Variants in LRP1 observed in about 807,000 individuals in gnomAD.
The protein encoded by LRP1 is prolow-density lipoprotein receptor-related protein 1.
Under a neutral mutation model 541.5 loss-of-function variants are expected in LRP1, and 51 were observed. The observed-to-expected ratio is 0.09, with a 90% CI of 0.08 to 0.12. The LOEUF is 0.12. Ranked by LOEUF, LRP1 falls within the 10% of genes least tolerant of loss-of-function variation. LRP1 has a pLI of 1.00. For synonymous variants in LRP1, 2,219 were observed against 2,470.8 expected (o/e 0.90, Z 3.02); for missense variants, 3,878 against 6,376.2 (o/e 0.61, Z 13.34).
chr12:57,199,497 T>C (rs1238320567), intron 61 of LRP1, 97 bp downstream of exon 61: 18 of 1,341,630 alleles, frequency 1.3e-5, no homozygotes, highest in Non-Finnish European at 1.6e-5. Context: ...GACCAAGCCC[T>C]CCTGGCCAGA....
intron 42 of LRP1, among the ~76,000 whole-genome samples, chr12:57,190,507 T>C (rs2036355895): frequency 6.6e-6 from 1 of 152,232 alleles, no homozygotes; most frequent in African/African-American, 2.4e-5. Context: ...CCCCAGGGCC[T>C]GTCTCACTTG....
At position 57,179,133 on chromosome 12, in the gene LRP1, T is replaced by G. The variant is rs539214947; in HGVS notation, c.4738+112T>G. On this transcript the variant is annotated intron_variant, in intron 28 of 88. Coordinates refer to ENST00000243077, the MANE Select transcript of LRP1 (RefSeq NM_002332.3). This position sits in a 1 kb window ranked among gnomAD's most constrained non-coding sequence, Gnocchi z 6.8. ...AGAGTCCCAGTCGGGAGGGTCCCGATAGGAGAGGCTCCAGAGACAGCCACT... is the reference window on the plus strand; with the variant it reads ...AGAGTCCCAGTCGGGAGGGTCCCGAGAGGAGAGGCTCCAGAGACAGCCACT... 7.0e-7 allele frequency: 1 copy of G among 1,427,912 alleles called. No homozygotes were observed. Among genetic ancestry groups the G allele is most frequent in the African/African-American group, 1.4e-5 (1 of 70,092 alleles). 88.5% of individuals were successfully genotyped at this position (1,427,912 alleles called of 1,614,324 possible). A position where few individuals can be genotyped will look rare whatever the true frequency, so the allele number is the denominator to read the frequency against.
intron 15 of LRP1, among the ~76,000 whole-genome samples, chr12:57,163,335 T>C (rs973695380): frequency 6.6e-6 from 1 of 152,202 alleles, no homozygotes; most frequent in Non-Finnish European, 1.5e-5. Flanking sequence ...GGAAATTACT[T>C]TGGGAGGCCA....
chr12:57,167,074 G>T (rs369343786), intron 18 of LRP1, 28 bp downstream of exon 18: 5 of 1,592,420 alleles, frequency 3.1e-6, no homozygotes, highest in African/African-American at 1.3e-5. Flanking sequence ...AGGGAGTCAG[G>T]CTGGGCCTGG....
Position 57,161,099 on chromosome 12 carries a change from A to G in LRP1, c.2186A>G (p.Asn729Ser). 2 of 1,613,288 alleles carry G rather than the reference A, an allele frequency of 1.2e-6. No homozygotes were observed. The highest frequency in any genetic ancestry group is 2.2e-5 in the East Asian group (1 of 44,872). ...FYDRIETILLNGTDRKIVYEG... is the reference protein window; with the variant it reads ...FYDRIETILLSGTDRKIVYEG... ...GACCGCATCGAGACGATACTGCTCA[A>G]TGGCACAGACCGGAAGGTGGGCAGG... The change falls in exon 13 of 89, where the codon AAT (asparagine) becomes AGT (serine). Residue 729 changes from asparagine to serine, a missense_variant. Physicochemically the swap from Asn to Ser is conservative, Grantham distance 46. Transcript: ENST00000243077.
At chr12:57,202,084 C>T in intron 67 of LRP1, 179 bp downstream of exon 67, 2 of 746,764 alleles carry the variant, frequency 2.7e-6, no homozygotes, top group South Asian at 3.4e-5. Flanking sequence ...CACTTCCCCA[C>T]ATCCACCCGT....
In LRP1 at chr12:57,183,270, T is replaced by TG. The variant is rs200123285; in HGVS notation, c.5663-101dup. 904 of 1,162,892 alleles carry TG rather than the reference T, an allele frequency of 7.8e-4. 3 individuals are homozygous for TG. In the East Asian group the frequency reaches 8.6e-3, roughly 11 times the overall value. 72.0% of individuals were successfully genotyped at this position (1,162,892 alleles called of 1,614,324 possible). A position where few individuals can be genotyped will look rare whatever the true frequency, so the allele number is the denominator to read the frequency against. On this transcript the variant is annotated intron_variant, in intron 34 of 88. Coordinates refer to ENST00000243077, the MANE Select transcript of LRP1 (RefSeq NM_002332.3). This position sits in a 1 kb window ranked among gnomAD's most constrained non-coding sequence, Gnocchi z 6.1. ...GCTGGGTGGAGGATAGGGATGATGG[T>TG]GGGGGGGGATGATATCAAAGGAGAA...
At chr12:57,140,807 A>G (rs1255371874) in intron 2 of LRP1, among the ~76,000 whole-genome samples, 2 of 152,106 alleles carry the variant, frequency 1.3e-5, no homozygotes, top group Non-Finnish European at 2.9e-5. Context: ...ATCTCAGCTC[A>G]CTGCAACTTC....
chr12:57,156,998 G>A lies in LRP1; in HGVS notation c.1561+78G>A. The A allele has an allele frequency of 6.9e-7, 1 of 1,448,020 alleles. No homozygotes were observed. The highest frequency in any genetic ancestry group is 2.1e-5 in the Admixed American group (1 of 47,518). 89.7% of individuals were successfully genotyped at this position (1,448,020 alleles called of 1,614,324 possible). ...CTCAGGTGTCCCCCACAGCCCGGCT[G>A]CCTCTGTCTGACATGCAGGGAGATG... On this transcript the variant is annotated intron_variant, in intron 10 of 88. Coordinates refer to ENST00000243077, the MANE Select transcript of LRP1 (RefSeq NM_002332.3). The surrounding 1 kb of genome is among the most constrained non-coding windows in gnomAD (Gnocchi z 5.2).
intron 6 of LRP1, among the ~76,000 whole-genome samples, chr12:57,150,922 G>A (rs1158236451): frequency 6.6e-6 from 1 of 151,992 alleles, no homozygotes; most frequent in Non-Finnish European, 1.5e-5. Context: ...GAGAGGTGGG[G>A]AGGTTCCTGG....
intron 1 of LRP1, among the ~76,000 whole-genome samples, chr12:57,130,619 A>C (rs1194096001): frequency 6.6e-6 from 1 of 152,106 alleles, no homozygotes; most frequent in Non-Finnish European, 1.5e-5. Context: ...GAGGAATAGA[A>C]AAAAAATTTG....
Position 57,183,432 on chromosome 12 carries a change from C to T in LRP1, c.5716C>T (p.Leu1906=). 6.2e-7 allele frequency: 1 copy of T among 1,614,156 alleles called. No individual in the cohort carries two copies. The highest frequency in any genetic ancestry group is 8.5e-7 in the Non-Finnish European group (1 of 1,179,974). Residue 1906 remains leucine, a synonymous_variant, in exon 35 of 89, where the codon CTG becomes TTG. Transcript: ENST00000243077. This position sits in a 1 kb window ranked among gnomAD's most constrained non-coding sequence, Gnocchi z 6.1. ...GCATGAGGGAATCAGGGGAATTCCC[C>T]TGGATCCCAATGACAAGTCAGATGC... ...SVHEGIRGIP[L]DPNDKSDALV... is the part of the protein sequence containing the mutation.
Position 57,200,527 on chromosome 12 carries a change from C to T in LRP1, c.10100C>T (p.Pro3367Leu), listed in dbSNP as rs749065805. ...TGCGGGGACCACTCAGACGAGCCCC[C>T]GGACTGCCGTGAGTGCCTGCTGGGG... ...DDCGDHSDEP[P>L]DCPEFKCRPG... Residue 3367 changes from proline (P) to leucine (L), a missense_variant, in exon 63 of 89, where the codon CCG (proline) becomes CTG (leucine). Physicochemically the swap from Pro to Leu is moderately conservative, Grantham distance 98. Transcript: ENST00000243077. 1.5e-5 allele frequency: 25 copies of T among 1,613,090 alleles called. No individual in the cohort carries two copies. The Admixed American group carries it at 1.8e-4, about 12-fold the overall frequency.
chr12:57,142,458 G>A (rs2035314029), intron 3 of LRP1, among the ~76,000 whole-genome samples: 3 of 152,002 alleles, frequency 2.0e-5, no homozygotes, highest in Non-Finnish European at 4.4e-5. Flanking sequence ...AGGAGTTTGT[G>A]GAAGATTTTT....
At chr12:57,210,599 C>A in intron 82 of LRP1, 119 bp downstream of exon 82, 1 of 1,445,502 alleles carries the variant, frequency 6.9e-7, no homozygotes, top group East Asian at 2.4e-5. Context: ...CTTTCCACAA[C>A]CCAGCATCCA....
chr12:57,167,445 C>T lies in LRP1; in HGVS notation c.2916C>T (p.Ala972=). The change falls in exon 19 of 89, where the codon GCC becomes GCT. Residue 972 remains alanine (A), a splice_region_variant and synonymous_variant. Transcript: ENST00000243077. The stretch of plus-strand genomic sequence containing the variant: ...TCAGCTACTCTTTCTTCCTCACAGC[C>T]TATCCCACCTGCTTCCCCCTGACTC... ...GDRSDESASC[A]YPTCFPLTQF... 1.9e-6 allele frequency: 3 copies of T among 1,613,082 alleles called. No homozygotes were observed. Among genetic ancestry groups the T allele is most frequent in the Non-Finnish European group, 2.5e-6 (3 of 1,179,022 alleles).
rs1377430371 is a variant in LRP1, at chr12:57,156,140, C to T, written c.1274C>T (p.Ala425Val). The T allele has an allele frequency of 5.6e-6, 9 of 1,613,900 alleles. No homozygotes were observed. The Admixed American group carries it at 1.5e-4, about 27-fold the overall frequency. Residue 425 changes from alanine (A) to valine (V), a missense_variant, in exon 9 of 89, where the codon GCC becomes GTC. By Grantham distance (64) the Ala-to-Val change is moderately conservative. Transcript: ENST00000243077. The surrounding 1 kb of genome is among the most constrained non-coding windows in gnomAD (Gnocchi z 5.2). The part of the protein sequence containing the change: ...GLTVFENYLY[A>V]TNSDNANAQQ... ...ACTGTGTTTGAGAATTATCTCTATG[C>T]CACCAACTCGGACAATGCCAATGCC...
intron 19 of LRP1, among the ~76,000 whole-genome samples, chr12:57,168,686 G>A (rs2035885970): frequency 6.6e-6 from 1 of 152,098 alleles, no homozygotes; most frequent in Non-Finnish European, 1.5e-5. Context: ...CAGGGCCCCT[G>A]TAAGCCAGGC....
At position 57,179,330 on chromosome 12, in the gene LRP1, G is replaced by T. The variant is rs1378202029; in HGVS notation, c.4740G>T (p.Glu1580Asp). Residue 1580 changes from glutamate (E) to aspartate (D), a missense_variant and splice_region_variant, in exon 29 of 89, where the codon GAG becomes GAT. Coordinates refer to ENST00000243077, the MANE Select transcript of LRP1 (RefSeq NM_002332.3). The surrounding 1 kb of genome is among the most constrained non-coding windows in gnomAD (Gnocchi z 6.8). Reference sequence around the variant, plus strand: ...CAGTGACCAGCCCATGCCCCACAGAGTTTAAGAAGTTCCTGCTGTACGCAC... The same window carrying T: ...CAGTGACCAGCCCATGCCCCACAGATTTTAAGAAGTTCCTGCTGTACGCAC... Reference protein sequence around the residue: ...KLHKDNTTCYEFKKFLLYARQ... With the variant: ...KLHKDNTTCYDFKKFLLYARQ... 6.2e-7 allele frequency: 1 copy of T among 1,612,338 alleles called. No individual in the cohort carries two copies. Among genetic ancestry groups the T allele is most frequent in the Non-Finnish European group, 8.5e-7 (1 of 1,178,486 alleles).
Sources: allele counts gnomAD v4.1 joint callset (sites outside exome capture counted in the v4.1 genomes callset), GRCh38; gene constraint gnomAD v4.1.1; non-coding constraint Gnocchi (gnomAD v3.1); transcripts MANE v1.5; gene names NCBI Gene and HGNC (gene_info 2026-07-23, HGNC 2026-07-21).